The following CCSER2 variants were observed in gnomAD, a reference collection of about 807,000 sequenced individuals.
The protein encoded by CCSER2 is serine-rich coiled-coil domain-containing protein 2.
CCSER2 carries 46 observed loss-of-function variants against 92.3 expected under a neutral mutation model. That is an observed-to-expected ratio of 0.50 (90% CI 0.39 to 0.64). CCSER2 has a LOEUF of 0.64. CCSER2 is among the 30% of genes least tolerant of loss of function. CCSER2 has a pLI of 0.00. For missense variants in CCSER2, 1,244 were observed against 1,238.9 expected (o/e 1.00, Z -0.06); for synonymous variants, 433 against 431.4 (o/e 1.00, Z -0.04).
chr10:84,363,660 A>G (rs973412548), intron 1 of CCSER2, among the ~76,000 whole-genome samples: 1 of 152,210 alleles, frequency 6.6e-6, no homozygotes, highest in African/African-American at 2.4e-5. Flanking sequence ...AGGAGTTTGA[A>G]AAAGTGACAG....
At chr10:84,396,466 C>T (rs186130011) in intron 3 of CCSER2, among the ~76,000 whole-genome samples, 69 of 151,818 alleles carry the variant, frequency 4.5e-4, no homozygotes, top group African/African-American at 1.6e-3. Context: ...TTTTAGTTCT[C>T]AATCCTTTCA....
At chr10:84,443,583 G>A (rs1844715987) in intron 6 of CCSER2, among the ~76,000 whole-genome samples, 1 of 152,176 alleles carries the variant, frequency 6.6e-6, no homozygotes, top group Non-Finnish European at 1.5e-5. Flanking sequence ...AGACAGTGTA[G>A]CGATTCCTCA....
chr10:84,385,701 T>C (rs1841163568), intron 3 of CCSER2, among the ~76,000 whole-genome samples: 1 of 152,122 alleles, frequency 6.6e-6, no homozygotes. Context: ...GGCAAAAGAT[T>C]TATGAGTAAG....
intron 1 of CCSER2, among the ~76,000 whole-genome samples, chr10:84,353,536 A>AAGACC (rs1482935881): frequency 2.6e-5 from 4 of 152,200 alleles, no homozygotes; most frequent in African/African-American, 4.8e-5. Context: ...AACGTTTAGT[A>AAGACC]AGACCGAGTC....
At chr10:84,503,356 T>G (rs945191829) in intron 9 of CCSER2, among the ~76,000 whole-genome samples, 2 of 152,230 alleles carry the variant, frequency 1.3e-5, no homozygotes, top group Non-Finnish European at 2.9e-5. Flanking sequence ...ACTTTTTTAT[T>G]TCAAATTAAA....
intron 4 of CCSER2, among the ~76,000 whole-genome samples, chr10:84,421,975 C>G (rs541552779): frequency 9.8e-4 from 149 of 152,296 alleles, no homozygotes; most frequent in African/African-American, 3.5e-3. Context: ...GTATTCCTGC[C>G]TCCCAGGTAT....
At chr10:84,386,543 C>CT in intron 3 of CCSER2, among the ~76,000 whole-genome samples, 1 of 152,122 alleles carries the variant, frequency 6.6e-6, no homozygotes, top group Non-Finnish European at 1.5e-5. Context: ...ATGGCTAAAC[C>CT]CTGTCTCTAC....
In CCSER2 at chr10:84,371,491, T is replaced by A. The variant is rs759271041; in HGVS notation, c.439T>A (p.Ser147Thr). 7 of 1,613,784 alleles carry A rather than the reference T, an allele frequency of 4.3e-6. No individual in the cohort carries two copies. The African/African-American group carries it at 8.0e-5, about 18-fold the overall frequency. Residue 147 changes from serine to threonine, a missense_variant, in exon 2 of 10, where the codon TCT becomes ACT. By Grantham distance (58) the Ser-to-Thr change is moderately conservative. Transcript: ENST00000372088. ...AAACCAAAAGTCTTTTTCTGGACCA[T>A]CTAATTTGGGTAAATTCACCAAAGG... ...ELNQKSFSGP[S>T]NLGKFTKGTL...
rs184751564 is a variant in CCSER2, at chr10:84,453,150, A to C, written c.2065-10783A>C. Among the ~76,000 whole-genome samples, 347 of 148,388 alleles carry C rather than the reference A, an allele frequency of 2.3e-3. 1 individual carries two copies. The highest frequency in any genetic ancestry group is 7.8e-3 in the African/African-American group (320 of 41,130). On this transcript the variant is annotated intron_variant, in intron 6 of 9. Coordinates refer to ENST00000372088, the MANE Select transcript of CCSER2 (RefSeq NM_001284240.2). The stretch of plus-strand genomic sequence containing the variant: ...TTGGGCTGTCCCATGCATTTATTTT[A>C]TTTCATTTTTTTTTTCAGTTTTCAA...
At chr10:84,490,385 T>C (rs1027669874) in intron 9 of CCSER2, among the ~76,000 whole-genome samples, 3 of 152,200 alleles carry the variant, frequency 2.0e-5, no homozygotes, top group Non-Finnish European at 2.9e-5. Context: ...ACCAATCAGA[T>C]GTAGATTTGG....
intron 5 of CCSER2, among the ~76,000 whole-genome samples, chr10:84,433,958 A>T (rs566127457): frequency 6.6e-6 from 1 of 152,270 alleles, no homozygotes; most frequent in East Asian, 1.9e-4. Flanking sequence ...GCCACATAAG[A>T]TCTCACTTCA....
chr10:84,444,288 ATTG>A (rs771909426), intron 6 of CCSER2, among the ~76,000 whole-genome samples: 17 of 152,162 alleles, frequency 1.1e-4, no homozygotes, highest in Non-Finnish European at 2.4e-4. Flanking sequence ...ACTTGGCCAA[ATTG>A]TTATTTTTTT....
At chr10:84,373,302 C>T (rs1363984569) in intron 2 of CCSER2, among the ~76,000 whole-genome samples, 1 of 151,964 alleles carries the variant, frequency 6.6e-6, no homozygotes, top group Non-Finnish European at 1.5e-5. Context: ...AAGGAGTTTC[C>T]TGGCCAGTGT....
chr10:84,407,507 C>T (rs1175422291), intron 3 of CCSER2, among the ~76,000 whole-genome samples: 6 of 152,162 alleles, frequency 3.9e-5, no homozygotes, highest in Non-Finnish European at 8.8e-5. Flanking sequence ...AGTTAACTTT[C>T]GTCCTGTAGA....
chr10:84,376,125 A>G (rs1333434220), intron 3 of CCSER2, among the ~76,000 whole-genome samples: 3 of 152,118 alleles, frequency 2.0e-5, no homozygotes, highest in Non-Finnish European at 2.9e-5. Flanking sequence ...ATTCTGATGC[A>G]ATCTCCTAAT....
intron 1 of CCSER2, among the ~76,000 whole-genome samples, chr10:84,329,047 G>T (rs886559900): frequency 4.6e-5 from 7 of 151,952 alleles, no homozygotes; most frequent in Non-Finnish European, 1.0e-4. Flanking sequence ...CTGTGACAGC[G>T]CGGGGCCTCG....
In CCSER2 at chr10:84,441,734, A is replaced by ATTTT. The variant is rs1564667385; in HGVS notation, c.2064+3028_2064+3029insTTTT. On this transcript the variant is annotated intron_variant, in intron 6 of 9. Coordinates refer to ENST00000372088, the MANE Select transcript of CCSER2 (RefSeq NM_001284240.2). ...GGGAATAAAGTAGAAGACTGGGAAA[A>ATTTT]TGTTTTTTTTTTTTTTTTTTTTTTT... Among the ~76,000 whole-genome samples the ATTTT allele has an allele frequency of 7.8e-4, 83 of 106,448 alleles. 5 individuals are homozygous for ATTTT. The highest frequency in any genetic ancestry group is 9.6e-4 in the Non-Finnish European group (52 of 54,114). The allele number at this position is 106,448 out of a possible 152,430, so 69.8% of individuals were successfully genotyped here.
intron 1 of CCSER2, among the ~76,000 whole-genome samples, chr10:84,363,823 C>A (rs755853108): frequency 6.6e-6 from 1 of 152,120 alleles, no homozygotes; most frequent in Non-Finnish European, 1.5e-5. Flanking sequence ...CATCGCTTAA[C>A]GAAGGGGATC....
At chr10:84,483,953 TTATATATATATATATATATATATATATA>T (rs57427963) in intron 9 of CCSER2, among the ~76,000 whole-genome samples, 15 of 48,046 alleles carry the variant, frequency 3.1e-4, no homozygotes, top group African/African-American at 7.4e-4. Context: ...CCCGGCTAAT[TTATATATATATATATATATATATATATA>T]TATATATATA....
Sources: gnomAD v4.1 joint callset for allele counts (sites outside exome capture counted in the v4.1 genomes callset) on GRCh38, gnomAD v4.1.1 for gene constraint, MANE v1.5 for transcripts, NCBI Gene and HGNC (gene_info 2026-07-23, HGNC 2026-07-21) for gene names.